Variants in RIC3 observed in about 807,000 individuals in gnomAD.
The protein encoded by RIC3 is protein RIC-3.
RIC3 carries 28 observed loss-of-function variants against 27.3 expected under a neutral mutation model. The ratio of observed to expected loss-of-function variants is 1.02; its 90% CI spans 0.76 to 1.41. RIC3 has a LOEUF of 1.41. Among genes scored for constraint, RIC3 ranks in the 40% most tolerant of loss-of-function variants. The pLI, the probability that RIC3 is intolerant of heterozygous loss-of-function variation, is 0.00. For missense variants in RIC3, 501 were observed against 444.7 expected, an observed-to-expected ratio of 1.13 and a Z score of -1.14; for synonymous variants, 184 against 160.4, an observed-to-expected ratio of 1.15 and a Z score of -1.11.
At chr11:8,128,715 A>G (rs1590164508) in intron 4 of RIC3, among the ~76,000 whole-genome samples, 2 of 126,988 alleles carry the variant, frequency 1.6e-5, no homozygotes, top group Admixed American at 1.6e-4. Context: ...TGAATTCTGG[A>G]TTCCGTTCTA....
At chr11:8,136,289 C>A (rs556708735) in intron 4 of RIC3, among the ~76,000 whole-genome samples, 1 of 152,284 alleles carries the variant, frequency 6.6e-6, no homozygotes, top group East Asian at 1.9e-4. Context: ...CAAATAGAGG[C>A]TAAGGTAGAG....
chr11:8,151,911 G>A (rs1355978263), intron 1 of RIC3, among the ~76,000 whole-genome samples: 1 of 147,722 alleles, frequency 6.8e-6, no homozygotes, highest in Non-Finnish European at 1.5e-5. Flanking sequence ...AGTGAGACTC[G>A]GTCTCAAAAA....
the RIC3 span, chr11:8,098,899 C>G: frequency 1.3e-6 from 2 of 1,539,648 alleles, no homozygotes; most frequent in Middle Eastern, 1.7e-4. Context: ...TCGGGGGTCT[C>G]TGATTTCCAA....
chr11:8,131,279 T>A (rs984380125), intron 4 of RIC3, among the ~76,000 whole-genome samples: 1 of 152,064 alleles, frequency 6.6e-6, no homozygotes, highest in African/African-American at 2.4e-5. Flanking sequence ...TAAAAAGAAA[T>A]GACAAGACAT....
At chr11:8,132,959 G>A (rs1470816340) in intron 4 of RIC3, among the ~76,000 whole-genome samples, 1 of 152,160 alleles carries the variant, frequency 6.6e-6, no homozygotes, top group African/African-American at 2.4e-5. Context: ...TAGAAACATG[G>A]TGCTATGGTT....
the RIC3 span, chr11:8,097,557 G>A: frequency 7.3e-7 from 1 of 1,374,330 alleles, no homozygotes; most frequent in South Asian, 1.3e-5. Context: ...TTCGTGTCTG[G>A]TCTGTGCACA....
In RIC3 at chr11:8,110,930, A is replaced by G; in HGVS notation, c.878T>C (p.Val293Ala). The change falls in exon 6 of 6, where the codon GTT becomes GCT. Residue 293 changes from valine (V) to alanine (A), a missense_variant. Coordinates refer to ENST00000309737, the MANE Select transcript of RIC3 (RefSeq NM_001206671.4). Reference sequence around the variant, plus strand: ...TTCTGGCTTTGGATCACACGAGGTAACAGAATTATCTTCCTGGGCTCTGGG... The same window carrying G: ...TTCTGGCTTTGGATCACACGAGGTAGCAGAATTATCTTCCTGGGCTCTGGG... ...TDPRAQEDNS[V>A]TSCDPKPETC... 6.2e-7 allele frequency: 1 copy of G among 1,614,198 alleles called. No homozygotes were observed. Among genetic ancestry groups the G allele is most frequent in the South Asian group, 1.1e-5 (1 of 91,078 alleles).
intron 1 of RIC3, among the ~76,000 whole-genome samples, chr11:8,146,917 C>CT: frequency 6.6e-6 from 1 of 152,256 alleles, no homozygotes; most frequent in Non-Finnish European, 1.5e-5. Context: ...TAGCAGACTT[C>CT]TGAGGGAGTA....
At chr11:8,149,542 G>C (rs1341722689) in intron 1 of RIC3, among the ~76,000 whole-genome samples, 1 of 152,156 alleles carries the variant, frequency 6.6e-6, no homozygotes, top group Non-Finnish European at 1.5e-5. Flanking sequence ...ACAGAAACTA[G>C]GGTCTGGGAA....
chr11:8,101,642 G>A, downstream of RIC3: 2 of 1,613,178 alleles, frequency 1.2e-6, no homozygotes, highest in East Asian at 2.2e-5. Context: ...GCCCTTTGGG[G>A]TTGCCCAGCC....
intron 4 of RIC3, among the ~76,000 whole-genome samples, chr11:8,129,679 AGAGTT>A (rs1240701960): frequency 2.6e-5 from 4 of 152,212 alleles, no homozygotes; most frequent in African/African-American, 9.6e-5. Context: ...TCCAAATGCA[AGAGTT>A]AAGTACAGAG....
chr11:8,101,480 C>G (rs772662118), downstream of RIC3: 1 of 1,614,134 alleles, frequency 6.2e-7, no homozygotes, highest in Non-Finnish European at 8.5e-7. Flanking sequence ...CTGTGCTTGG[C>G]CCCAGCGGAC....
chr11:8,134,228 G>A (rs1356001600), intron 4 of RIC3, among the ~76,000 whole-genome samples: 1 of 152,120 alleles, frequency 6.6e-6, no homozygotes, highest in East Asian at 1.9e-4. Flanking sequence ...TCCCACCTAT[G>A]AGTGAGAACA....
At chr11:8,152,516 A>C (rs1387847283) in intron 1 of RIC3, among the ~76,000 whole-genome samples, 1 of 152,224 alleles carries the variant, frequency 6.6e-6, no homozygotes, top group Non-Finnish European at 1.5e-5. Flanking sequence ...CAGGATAGTC[A>C]AGTCTATAGG....
intron 1 of RIC3, among the ~76,000 whole-genome samples, chr11:8,145,514 A>G (rs1009595930): frequency 2.6e-5 from 4 of 152,190 alleles, no homozygotes; most frequent in Non-Finnish European, 5.9e-5. Flanking sequence ...TTAAGTACTC[A>G]GCTTGGGTAG....
At chr11:8,113,256 C>G (rs1945468489) in intron 5 of RIC3, among the ~76,000 whole-genome samples, 1 of 152,212 alleles carries the variant, frequency 6.6e-6, no homozygotes, top group Non-Finnish European at 1.5e-5. Context: ...TCTTCCCACA[C>G]TTAGAACAAA....
intron 1 of RIC3, among the ~76,000 whole-genome samples, chr11:8,145,309 C>A (rs1320774870): frequency 6.6e-6 from 1 of 150,872 alleles, no homozygotes; most frequent in East Asian, 1.9e-4. Context: ...CTAGCTCAAT[C>A]TCTCTCCTTC....
intron 1 of RIC3, among the ~76,000 whole-genome samples, chr11:8,144,776 A>C (rs1324771997): frequency 2.0e-5 from 3 of 151,832 alleles, no homozygotes; most frequent in Admixed American, 6.6e-5. Flanking sequence ...ACTTGGAACC[A>C]ACCCAAATGT....
At chr11:8,153,217 A>T (rs528732553) in intron 1 of RIC3, among the ~76,000 whole-genome samples, 36 of 152,316 alleles carry the variant, frequency 2.4e-4, no homozygotes, top group African/African-American at 8.2e-4. Context: ...AGTACTTTAC[A>T]TGCGGTATTA....
Sources: allele counts gnomAD v4.1 joint callset (sites outside exome capture counted in the v4.1 genomes callset), GRCh38; gene constraint gnomAD v4.1.1; transcripts MANE v1.5; gene names NCBI Gene and HGNC (gene_info 2026-07-23, HGNC 2026-07-21).